UBE2K: variants seen among roughly 807,000 people sequenced by gnomAD.
The protein encoded by UBE2K is ubiquitin-conjugating enzyme E2 K.
A neutral mutation model predicts 30.0 loss-of-function variants in UBE2K; 6 were observed. The observed-to-expected ratio is 0.20, with a 90% CI of 0.11 to 0.39. The LOEUF (loss-of-function observed/expected upper bound fraction) is 0.39. Among genes scored for constraint, UBE2K ranks in the 10% least tolerant of loss-of-function variants. The pLI, the probability that UBE2K is intolerant of heterozygous loss-of-function variation, is 1.00. For missense variants in UBE2K, 61 were observed against 241.6 expected (o/e 0.25, Z 4.96); for synonymous variants, 86 against 83.7 (o/e 1.03, Z -0.15).
chr4:39,717,593 T>G (rs1200162625), intron 1 of UBE2K, among the ~76,000 whole-genome samples: 1 of 152,208 alleles, frequency 6.6e-6, no homozygotes, highest in Non-Finnish European at 1.5e-5. Context: ...AAAAATACAA[T>G]GTTACATCAT....
intron 1 of UBE2K, among the ~76,000 whole-genome samples, chr4:39,706,679 C>G (rs1479693934): frequency 6.6e-6 from 1 of 151,838 alleles, no homozygotes; most frequent in African/African-American, 2.4e-5. Context: ...TGATGTTGGC[C>G]AGGCTGGTCT....
At chr4:39,699,584 T>G (rs1218288560) in intron 1 of UBE2K, among the ~76,000 whole-genome samples, 1 of 152,170 alleles carries the variant, frequency 6.6e-6, no homozygotes, top group Admixed American at 6.5e-5. Flanking sequence ...CTTCCCCACA[T>G]GAATTAAACA....
intron 4 of UBE2K, among the ~76,000 whole-genome samples, chr4:39,774,057 G>T (rs1417177364): frequency 7.9e-5 from 12 of 152,164 alleles, no homozygotes; most frequent in Non-Finnish European, 1.5e-5. Context: ...TAACCTTTGG[G>T]AGGCCAAGGT....
At chr4:39,702,567 C>G (rs1718095368) in intron 1 of UBE2K, among the ~76,000 whole-genome samples, 3 of 151,990 alleles carry the variant, frequency 2.0e-5, no homozygotes, top group Admixed American at 2.0e-4. Context: ...ATTTTCTAGT[C>G]TCATAGGGCG....
intron 1 of UBE2K, among the ~76,000 whole-genome samples, chr4:39,730,068 T>C (rs940675867): frequency 1.3e-5 from 2 of 152,252 alleles, no homozygotes; most frequent in African/African-American, 4.8e-5. Context: ...ATACTACCAA[T>C]ATCTGTTATA....
intron 1 of UBE2K, among the ~76,000 whole-genome samples, chr4:39,727,364 T>C (rs1362326246): frequency 6.6e-6 from 1 of 152,102 alleles, no homozygotes; most frequent in Non-Finnish European, 1.5e-5. Context: ...AAAGGTTTCT[T>C]ATGGGGGGAG....
intron 1 of UBE2K, among the ~76,000 whole-genome samples, chr4:39,730,398 C>T (rs376882720): frequency 6.9e-4 from 105 of 151,984 alleles, no homozygotes; most frequent in Non-Finnish European, 1.2e-3. Context: ...ATGGCCCAGG[C>T]GGGTCTTAAG....
intron 4 of UBE2K, among the ~76,000 whole-genome samples, chr4:39,761,600 T>G (rs1007697647): frequency 6.6e-6 from 1 of 152,234 alleles, no homozygotes; most frequent in Non-Finnish European, 1.5e-5. Flanking sequence ...TTCTAAATTA[T>G]AAAGATTGAC....
At chr4:39,720,473 G>T (rs568506236) in intron 1 of UBE2K, among the ~76,000 whole-genome samples, 1 of 152,002 alleles carries the variant, frequency 6.6e-6, no homozygotes, top group Non-Finnish European at 1.5e-5. Flanking sequence ...TAATAAAATG[G>T]ACATGATCCT....
chr4:39,715,083 T>C (rs1718973657), intron 1 of UBE2K, among the ~76,000 whole-genome samples: 1 of 149,778 alleles, frequency 6.7e-6, no homozygotes, highest in Non-Finnish European at 1.5e-5. Context: ...TGGAGTGCAG[T>C]GGCGCGATCT....
intron 2 of UBE2K, among the ~76,000 whole-genome samples, chr4:39,744,917 A>T (rs185089312): frequency 0.021 from 3,138 of 150,420 alleles, 115 homozygotes; most frequent in African/African-American, 0.068. Flanking sequence ...AAAAAAAAAA[A>T]AAATAAATTA....
chr4:39,761,717 T>C (rs1711958113), intron 4 of UBE2K, among the ~76,000 whole-genome samples: 1 of 152,222 alleles, frequency 6.6e-6, no homozygotes, highest in Non-Finnish European at 1.5e-5. Flanking sequence ...ATAGATTTGA[T>C]CACTACTTTG....
chr4:39,770,587 C>G, intron 4 of UBE2K: 1 of 1,580,898 alleles, frequency 6.3e-7, no homozygotes, highest in Non-Finnish European at 8.6e-7. Context: ...CCCACGCTGG[C>G]CCGGCCTCCC....
chr4:39,716,313 A>G (rs953778330), intron 1 of UBE2K, among the ~76,000 whole-genome samples: 1 of 152,040 alleles, frequency 6.6e-6, no homozygotes, highest in Non-Finnish European at 1.5e-5. Context: ...TGTTGTGATC[A>G]CAGCTCACGC....
intron 1 of UBE2K, among the ~76,000 whole-genome samples, chr4:39,720,307 T>C (rs1170648834): frequency 7.6e-6 from 1 of 131,456 alleles, no homozygotes; most frequent in Non-Finnish European, 1.6e-5. Context: ...GGAAACAAGA[T>C]AGTGGGAAGG....
intron 1 of UBE2K, among the ~76,000 whole-genome samples, chr4:39,712,813 C>A: frequency 6.6e-6 from 1 of 150,818 alleles, no homozygotes; most frequent in East Asian, 1.9e-4. Context: ...AGATATTAAG[C>A]ATGTTTTGTG....
intron 1 of UBE2K, among the ~76,000 whole-genome samples, chr4:39,718,253 C>G (rs1273746994): frequency 6.6e-6 from 1 of 152,170 alleles, no homozygotes; most frequent in African/African-American, 2.4e-5. Context: ...CACAAAAGTT[C>G]TCCATGTTCT....
chr4:39,725,064 T>C (rs1489000669), intron 1 of UBE2K, among the ~76,000 whole-genome samples: 1 of 152,150 alleles, frequency 6.6e-6, no homozygotes, highest in Non-Finnish European at 1.5e-5. Flanking sequence ...TGCAGTTCTT[T>C]GAGTAACGTC....
chr4:39,707,815 C>G (rs1320272979), intron 1 of UBE2K, among the ~76,000 whole-genome samples: 1 of 151,944 alleles, frequency 6.6e-6, no homozygotes, highest in Non-Finnish European at 1.5e-5. Flanking sequence ...CCACCTCACC[C>G]AGCCTTCTTG....
Sources: gnomAD v4.1 joint callset for allele counts (sites outside exome capture counted in the v4.1 genomes callset) on GRCh38, gnomAD v4.1.1 for gene constraint, MANE v1.5 for transcripts, NCBI Gene and HGNC (gene_info 2026-07-23, HGNC 2026-07-21) for gene names.